Variants in C5orf47 observed in about 807,000 individuals in gnomAD.
C5orf47 encodes the protein uncharacterized protein C5orf47.
C5orf47 carries 20 observed loss-of-function variants against 20.6 expected under a neutral mutation model. That is an observed-to-expected ratio of 0.97 (90% CI 0.68 to 1.41). C5orf47 has a LOEUF of 1.41. C5orf47 is among the 40% of genes most tolerant of loss of function. The pLI is 0.00. For missense variants in C5orf47, 262 were observed against 238.4 expected, an observed-to-expected ratio of 1.10 and a Z score of -0.65; for synonymous variants, 106 against 97.3, an observed-to-expected ratio of 1.09 and a Z score of -0.53.
Position 174,004,950 on chromosome 5 carries a change from T to G in C5orf47, c.*696T>G, listed in dbSNP as rs1759261941. On this transcript the variant is annotated 3_prime_UTR_variant, in exon 5 of 5. Coordinates refer to ENST00000340147, the MANE Select transcript of C5orf47 (RefSeq NM_001144954.2). ...GCCAGGCCCCTAAGTAATACATTATTTTTAAGTCAATGAATGAGAGGATTA... is the reference window on the plus strand; with the variant it reads ...GCCAGGCCCCTAAGTAATACATTATGTTTAAGTCAATGAATGAGAGGATTA... 2 of 152,270 alleles carry G rather than the reference T, an allele frequency of 1.3e-5. No homozygotes were observed. Among genetic ancestry groups the G allele is most frequent in the South Asian group, 2.1e-4 (1 of 4,832 alleles). 9.4% of individuals were successfully genotyped at this position (152,270 alleles called of 1,614,324 possible). A position where few individuals can be genotyped will look rare whatever the true frequency, so the allele number is the denominator to read the frequency against.
At chr5:173,993,951 C>T (rs1303485849) in intron 1 of C5orf47, among the ~76,000 whole-genome samples, 2 of 152,106 alleles carry the variant, frequency 1.3e-5, no homozygotes, top group Non-Finnish European at 2.9e-5. Flanking sequence ...TTGTTTATTC[C>T]TGTAGTATAA....
At position 174,001,239 on chromosome 5, in the gene C5orf47, T is replaced by C; in HGVS notation, c.*16+8T>C. 7.3e-7 allele frequency: 1 copy of C among 1,366,924 alleles called. No homozygotes were observed. Among genetic ancestry groups the C allele is most frequent in the Non-Finnish European group, 1.0e-6 (1 of 985,266 alleles). 84.7% of individuals were successfully genotyped at this position (1,366,924 alleles called of 1,614,324 possible). ...GAATCTTCTTATCTTCTGGTAAGAA[T>C]TTATTTACGTAATAATTATGGAATA... On this transcript the variant is annotated splice_region_variant and intron_variant, in intron 4 of 4. Coordinates refer to ENST00000340147, the MANE Select transcript of C5orf47 (RefSeq NM_001144954.2).
At position 173,989,545 on chromosome 5, in the gene C5orf47, G is replaced by A; in HGVS notation, c.282G>A (p.Arg94=). ...CGGCCTCTGCCTCCTCCCAGCTGCG[G>A]GCATCGAGAGTTCAGAGCGGCACCA... The part of the protein sequence containing the change: ...EAAASASSQL[R]ASRVQSGTRQ... The change falls in exon 1 of 5, where the codon CGG becomes CGA. Residue 94 remains arginine, a synonymous_variant. Coordinates refer to ENST00000340147, the MANE Select transcript of C5orf47 (RefSeq NM_001144954.2). The A allele has an allele frequency of 2.0e-6, 3 of 1,517,298 alleles. No homozygotes were observed. The highest frequency in any genetic ancestry group is 2.8e-5 in the African/African-American group (2 of 71,646). The allele number at this position is 1,517,298 out of a possible 1,614,324, so 94.0% of individuals were successfully genotyped here. A position where few individuals can be genotyped will look rare whatever the true frequency, so the allele number is the denominator to read the frequency against.
intron 1 of C5orf47, among the ~76,000 whole-genome samples, chr5:173,990,313 G>C (rs1035308215): frequency 1.3e-5 from 2 of 149,608 alleles, no homozygotes; most frequent in Non-Finnish European, 3.0e-5. Flanking sequence ...GGGGGCGGGG[G>C]GGTCTCCCTG....
chr5:173,995,071 C>A (rs1185111844), intron 1 of C5orf47, among the ~76,000 whole-genome samples: 1 of 152,152 alleles, frequency 6.6e-6, no homozygotes, highest in East Asian at 1.9e-4. Flanking sequence ...CCTTGGCCTC[C>A]CAAAGTGCTG....
Position 173,998,527 on chromosome 5 carries a change from A to G in C5orf47, c.411+289A>G, listed in dbSNP as rs1759139854. 5.3e-5 allele frequency among the ~76,000 whole-genome samples: 8 copies of G among 152,370 alleles called. 1 individual carries two copies. The South Asian group carries it at 1.7e-3, about 32-fold the overall frequency. On this transcript the variant is annotated intron_variant, in intron 2 of 4. Transcript: ENST00000340147. ...TTTCAAAGCATGATATATGTTCCAC[A>G]GAATATAATAAACTGTGATAGATAA...
intron 3 of C5orf47, among the ~76,000 whole-genome samples, chr5:174,000,018 G>A (rs1344987059): frequency 6.6e-6 from 1 of 152,072 alleles, no homozygotes; most frequent in Non-Finnish European, 1.5e-5. Context: ...GTGAGTGGAG[G>A]AATGTAGAAG....
At chr5:173,991,353 A>G (rs556303437) in intron 1 of C5orf47, among the ~76,000 whole-genome samples, 1 of 152,178 alleles carries the variant, frequency 6.6e-6, no homozygotes, top group Non-Finnish European at 1.5e-5. Flanking sequence ...AATGTTGGAT[A>G]GTATTGGAGA....
At chr5:173,997,711 T>G (rs531227318) in intron 1 of C5orf47, among the ~76,000 whole-genome samples, 19 of 150,038 alleles carry the variant, frequency 1.3e-4, no homozygotes, top group African/African-American at 3.9e-4. Flanking sequence ...CCTGGGAGGG[T>G]GTGTGTGTGT....
chr5:173,994,414 C>T (rs1759052819), intron 1 of C5orf47, among the ~76,000 whole-genome samples: 3 of 152,306 alleles, frequency 2.0e-5, no homozygotes, highest in Middle Eastern at 6.8e-3. Flanking sequence ...GCCGCTCCCA[C>T]CTCCTAGTTC....
chr5:174,009,478 G>C (rs1244326817), downstream of C5orf47, among the ~76,000 whole-genome samples: 1 of 146,338 alleles, frequency 6.8e-6, no homozygotes, highest in Non-Finnish European at 1.6e-5. Context: ...GGTGTTATAA[G>C]TTTTTCTGTC....
In C5orf47 at chr5:174,001,176, A is replaced by G; in HGVS notation, c.512-20A>G. 2.0e-6 allele frequency: 3 copies of G among 1,509,426 alleles called. No individual in the cohort carries two copies. The highest frequency in any genetic ancestry group is 1.2e-5 in the South Asian group (1 of 81,712). The allele number at this position is 1,509,426 out of a possible 1,614,324, so 93.5% of individuals were successfully genotyped here. A position where few individuals can be genotyped will look rare whatever the true frequency, so the allele number is the denominator to read the frequency against. On this transcript the variant is annotated intron_variant, in intron 3 of 4. Coordinates refer to ENST00000340147, the MANE Select transcript of C5orf47 (RefSeq NM_001144954.2). ...CTAGAGGCCAACTTAAATTTTCCTTATTTTTTATGTTGTTTGCAGGCTCAA... is the reference window on the plus strand; with the variant it reads ...CTAGAGGCCAACTTAAATTTTCCTTGTTTTTTATGTTGTTTGCAGGCTCAA...
At position 173,999,750 on chromosome 5, in the gene C5orf47, A is replaced by C. The variant is rs1759162671; in HGVS notation, c.462A>C (p.Glu154Asp). 8.5e-6 allele frequency: 13 copies of C among 1,536,788 alleles called. No individual in the cohort carries two copies. Among genetic ancestry groups the C allele is most frequent in the Non-Finnish European group, 1.1e-5 (13 of 1,136,456 alleles). ...VYKVISRMLEENEKYRHRLKC... is the reference protein window; with the variant it reads ...VYKVISRMLEDNEKYRHRLKC... ...AAGTCATTTCAAGAATGCTTGAAGA[A>C]AATGAAAAATATAGACACAGGCTGA... is the stretch of plus-strand genomic sequence containing the variant. Residue 154 changes from glutamate to aspartate, a missense_variant, in exon 3 of 5, where the codon GAA becomes GAC. Glu to Asp is a conservative substitution (Grantham distance 45). Transcript: ENST00000340147.
In C5orf47 at chr5:174,005,960, T is replaced by G. The variant is rs1287515755; in HGVS notation, c.*1706T>G. ...TTGTTCTAAATCTTTTAATTTTTGT[T>G]TAATAATTTCTGGTGAATATGTGTT... is the stretch of plus-strand genomic sequence containing the variant. On this transcript the variant is annotated 3_prime_UTR_variant, in exon 5 of 5. Transcript: ENST00000340147. The G allele has an allele frequency of 6.6e-6, 1 of 152,306 alleles. No homozygotes were observed. Among genetic ancestry groups the G allele is most frequent in the Non-Finnish European group, 1.5e-5 (1 of 68,032 alleles). 9.4% of individuals were successfully genotyped at this position (152,306 alleles called of 1,614,324 possible). A position where few individuals can be genotyped will look rare whatever the true frequency, so the allele number is the denominator to read the frequency against.
chr5:173,995,348 T>C (rs1322368343), intron 1 of C5orf47, among the ~76,000 whole-genome samples: 1 of 152,134 alleles, frequency 6.6e-6, no homozygotes, highest in Non-Finnish European at 1.5e-5. Context: ...GAGAATAGCT[T>C]TGATAGTCAA....
At chr5:173,998,329 A>AT in intron 2 of C5orf47, 91 bp downstream of exon 2, 2 of 654,044 alleles carry the variant, frequency 3.1e-6, no homozygotes, top group South Asian at 4.2e-5. Flanking sequence ...GACAGTGAAA[A>AT]TAGTACCATC....
Position 173,989,567 on chromosome 5 carries a change from A to C in C5orf47, c.304A>C (p.Thr102Pro), listed in dbSNP as rs780897592. The change falls in exon 1 of 5, where the codon ACC becomes CCC. Residue 102 changes from threonine to proline, a missense_variant. Thr to Pro is a conservative substitution (Grantham distance 38, BLOSUM62 -1). Transcript: ENST00000340147. ...QLRASRVQSG[T>P]RQSARAGLIQ... is the part of the protein sequence containing the mutation. ...GCGGGCATCGAGAGTTCAGAGCGGC[A>C]CCAGACAGTCGGCGCGTGCAGGTGG... 5 of 1,478,680 alleles carry C rather than the reference A, an allele frequency of 3.4e-6. No homozygotes were observed. In the South Asian group the frequency reaches 5.3e-5, roughly 16 times the overall value. 91.6% of individuals were successfully genotyped at this position (1,478,680 alleles called of 1,614,324 possible).
intron 1 of C5orf47, among the ~76,000 whole-genome samples, chr5:173,992,780 G>A (rs1220573400): frequency 6.6e-6 from 1 of 152,114 alleles, no homozygotes; most frequent in Non-Finnish European, 1.5e-5. Flanking sequence ...ATTTTTGCTA[G>A]TAAACTCTAG....
In C5orf47 at chr5:174,005,443, G is replaced by A. The variant is rs760052782; in HGVS notation, c.*1189G>A. 2.6e-5 allele frequency: 4 copies of A among 152,254 alleles called. No homozygotes were observed. The highest frequency in any genetic ancestry group is 5.9e-5 in the Non-Finnish European group (4 of 68,020). The allele number at this position is 152,254 out of a possible 1,614,324, so 9.4% of individuals were successfully genotyped here. The stretch of plus-strand genomic sequence containing the variant: ...AGACTACGACAGTGTAGAATTTGTG[G>A]TAACATGATCTTCTAGTGACTATTT... On this transcript the variant is annotated 3_prime_UTR_variant, in exon 5 of 5. Coordinates refer to ENST00000340147, the MANE Select transcript of C5orf47 (RefSeq NM_001144954.2).
Sources: allele counts gnomAD v4.1 joint callset (sites outside exome capture counted in the v4.1 genomes callset), GRCh38; gene constraint gnomAD v4.1.1; transcripts MANE v1.5; gene names NCBI Gene and HGNC (gene_info 2026-07-23, HGNC 2026-07-21).